Variants in C12orf42 observed in about 807,000 individuals in gnomAD.
C12orf42 encodes uncharacterized protein C12orf42.
A neutral mutation model predicts 21.6 loss-of-function variants in C12orf42; 25 were observed. The ratio of observed to expected loss-of-function variants is 1.16; its 90% CI spans 0.84 to 1.62. C12orf42 has a LOEUF of 1.62. C12orf42 is among the 40% of genes most tolerant of loss of function. The pLI, the probability that C12orf42 is intolerant of heterozygous loss-of-function variation, is 0.00. For synonymous variants in C12orf42, 174 were observed against 175.0 expected (o/e 0.99, Z 0.05); for missense variants, 483 against 459.3 (o/e 1.05, Z -0.47).
the C12orf42 span, among the ~76,000 whole-genome samples, chr12:103,506,872 T>TTATATTATA: frequency 3.3e-4 from 19 of 57,398 alleles, 2 homozygotes; most frequent in African/African-American, 1.5e-3. Flanking sequence ...ATATATATAT[T>TTATATTATA]TATATATTAT....
At chr12:103,434,807 G>A (rs908999739) in intron 2 of C12orf42, among the ~76,000 whole-genome samples, 9 of 152,186 alleles carry the variant, frequency 5.9e-5, no homozygotes, top group African/African-American at 1.4e-4. Flanking sequence ...ACTGCAAGGC[G>A]GCAGCGAGGC....
downstream of C12orf42, among the ~76,000 whole-genome samples, chr12:103,300,035 T>C (rs1241702684): frequency 6.6e-6 from 1 of 152,184 alleles, no homozygotes; most frequent in African/African-American, 2.4e-5. Flanking sequence ...GATTTTTACC[T>C]CACTAATTTG....
upstream of C12orf42, among the ~76,000 whole-genome samples, chr12:103,497,552 A>G (rs1955595727): frequency 1.3e-5 from 2 of 152,222 alleles, no homozygotes; most frequent in African/African-American, 4.8e-5. Context: ...TTGCACACCA[A>G]AAACACCTGA....
intron 4 of C12orf42, among the ~76,000 whole-genome samples, chr12:103,333,853 C>T (rs1469132841): frequency 6.6e-6 from 1 of 152,174 alleles, no homozygotes; most frequent in Non-Finnish European, 1.5e-5. Flanking sequence ...GGGGAGTTAG[C>T]TTTGGAAATC....
chr12:103,357,547 G>A (rs546300819), intron 4 of C12orf42, among the ~76,000 whole-genome samples: 17 of 152,108 alleles, frequency 1.1e-4, no homozygotes, highest in African/African-American at 3.1e-4. Flanking sequence ...TTGGGACTCC[G>A]AAAACTCCTT....
downstream of C12orf42, among the ~76,000 whole-genome samples, chr12:103,266,541 C>G (rs1029318442): frequency 6.6e-6 from 1 of 151,972 alleles, no homozygotes; most frequent in Non-Finnish European, 1.5e-5. Context: ...TAGAAAAAAG[C>G]AAAGAAAAGG....
downstream of C12orf42, among the ~76,000 whole-genome samples, chr12:103,265,091 T>C (rs1593238807): frequency 1.3e-5 from 2 of 152,252 alleles, no homozygotes; most frequent in Admixed American, 1.3e-4. Context: ...CAACTCCACA[T>C]TGTATCCTCG....
intron 3 of C12orf42, among the ~76,000 whole-genome samples, chr12:103,383,226 C>T (rs761455877): frequency 6.6e-6 from 1 of 151,644 alleles, no homozygotes; most frequent in African/African-American, 2.4e-5. Context: ...CTCAGCCACT[C>T]GAGTAGCTGA....
the C12orf42 span, among the ~76,000 whole-genome samples, chr12:103,518,048 G>A: frequency 6.6e-6 from 1 of 152,016 alleles, no homozygotes; most frequent in Non-Finnish European, 1.5e-5. Context: ...GCCACTGAAG[G>A]CCCAGCAGAA....
intron 3 of C12orf42, among the ~76,000 whole-genome samples, chr12:103,381,527 C>T (rs2046170112): frequency 6.6e-6 from 1 of 152,202 alleles, no homozygotes; most frequent in Non-Finnish European, 1.5e-5. Flanking sequence ...AATAGGTGTA[C>T]TCATCAGCAC....
intron 1 of C12orf42, among the ~76,000 whole-genome samples, chr12:103,494,419 C>T (rs1396361271): frequency 1.3e-5 from 2 of 152,124 alleles, no homozygotes; most frequent in African/African-American, 4.8e-5. Flanking sequence ...CTGTATTGTC[C>T]CAACTTTATT....
At chr12:103,126,943 A>G in the C12orf42 span, among the ~76,000 whole-genome samples, 1 of 152,214 alleles carries the variant, frequency 6.6e-6, no homozygotes, top group Non-Finnish European at 1.5e-5. Context: ...TAAAATAAGA[A>G]ATGCAGATAG....
chr12:103,165,777 C>T, the C12orf42 span, among the ~76,000 whole-genome samples: 1 of 151,210 alleles, frequency 6.6e-6, no homozygotes, highest in Non-Finnish European at 1.5e-5. Flanking sequence ...CGCGGTGGCT[C>T]ACGCCTGTAA....
chr12:103,225,152 G>C, the C12orf42 span, among the ~76,000 whole-genome samples: 3 of 152,166 alleles, frequency 2.0e-5, no homozygotes, highest in African/African-American at 7.2e-5. Context: ...AGTGAAAAAA[G>C]CATCTTTAAG....
At chr12:103,307,494 T>C (rs2038483146) in intron 4 of C12orf42, among the ~76,000 whole-genome samples, 1 of 152,028 alleles carries the variant, frequency 6.6e-6, no homozygotes, top group African/African-American at 2.4e-5. Context: ...AGCGTCTCAG[T>C]AGAAAGTAAA....
chr12:103,377,184 T>C (rs1211836003), intron 3 of C12orf42, among the ~76,000 whole-genome samples: 2 of 152,104 alleles, frequency 1.3e-5, no homozygotes, highest in African/African-American at 4.8e-5. Flanking sequence ...TTTGTGTTCA[T>C]ATTGTTTGGT....
chr12:103,551,958 C>T, the C12orf42 span, among the ~76,000 whole-genome samples: 10 of 152,110 alleles, frequency 6.6e-5, no homozygotes, highest in Non-Finnish European at 1.5e-4. Flanking sequence ...TTTATACAGA[C>T]TTTTTTATCC....
At chr12:103,440,452 G>A in intron 2 of C12orf42, among the ~76,000 whole-genome samples, 1 of 32,254 alleles carries the variant, frequency 3.1e-5, no homozygotes, top group African/African-American at 1.0e-4. Context: ...AAGCCTCACA[G>A]ATACCAAAAA....
At chr12:103,551,127 C>T in the C12orf42 span, among the ~76,000 whole-genome samples, 159 of 152,192 alleles carry the variant, frequency 1.0e-3, no homozygotes, top group Non-Finnish European at 1.9e-3. Flanking sequence ...AACTTCTCTT[C>T]TAAGTATTTA....
Sources: gnomAD v4.1 joint callset for allele counts (sites outside exome capture counted in the v4.1 genomes callset) on GRCh38, gnomAD v4.1.1 for gene constraint, MANE v1.5 for transcripts, NCBI Gene and HGNC (gene_info 2026-07-23, HGNC 2026-07-21) for gene names.